MARCHF1: variants seen among roughly 807,000 people sequenced by gnomAD.
The protein encoded by MARCHF1 is E3 ubiquitin-protein ligase MARCHF1.
Under a neutral mutation model 54.2 loss-of-function variants are expected in MARCHF1, and 40 were observed. The ratio of observed to expected loss-of-function variants is 0.74; its 90% CI spans 0.57 to 0.96. The LOEUF (loss-of-function observed/expected upper bound fraction) is 0.96. Among genes scored for constraint, MARCHF1 ranks in the 40% least tolerant of loss-of-function variants. The pLI, the probability that MARCHF1 is intolerant of heterozygous loss-of-function variation, is 0.00. For synonymous variants in MARCHF1, 236 were observed against 236.3 expected, an observed-to-expected ratio of 1.00 and a Z score of 0.01; for missense variants, 586 against 656.5, an observed-to-expected ratio of 0.89 and a Z score of 1.17.
At chr4:163,778,905 G>A (rs1259432816) in intron 4 of MARCHF1, among the ~76,000 whole-genome samples, 1 of 152,094 alleles carries the variant, frequency 6.6e-6, no homozygotes. Context: ...CGGGTACAAT[G>A]AGTAAAAGCC....
intron 2 of MARCHF1, among the ~76,000 whole-genome samples, chr4:164,063,860 G>A (rs1754672567): frequency 6.6e-6 from 1 of 152,070 alleles, no homozygotes; most frequent in Admixed American, 6.6e-5. Context: ...AAGGGGTCCA[G>A]TTCCAATCTT....
At chr4:163,758,492 A>G (rs1014257599) in intron 4 of MARCHF1, among the ~76,000 whole-genome samples, 8 of 138,468 alleles carry the variant, frequency 5.8e-5, no homozygotes. Flanking sequence ...TTAAAATTCA[A>G]AAAAAATTCC....
chr4:163,990,059 A>G (rs2110890550), intron 2 of MARCHF1, among the ~76,000 whole-genome samples: 1 of 152,352 alleles, frequency 6.6e-6, no homozygotes, highest in Admixed American at 6.5e-5. Flanking sequence ...GGATAGAGAT[A>G]AAATGTGAAA....
chr4:164,295,700 G>A (rs1281687363), intron 1 of MARCHF1, among the ~76,000 whole-genome samples: 2 of 152,108 alleles, frequency 1.3e-5, no homozygotes, highest in African/African-American at 4.8e-5. Flanking sequence ...CCTATGAGAT[G>A]GCACTGGAAT....
intron 2 of MARCHF1, among the ~76,000 whole-genome samples, chr4:164,086,538 T>C (rs1331736699): frequency 5.9e-5 from 9 of 151,970 alleles, no homozygotes; most frequent in Non-Finnish European, 1.3e-4. Context: ...CTGTGTATTA[T>C]CTCACTGAAC....
chr4:163,923,182 T>C (rs1223240711), intron 3 of MARCHF1, among the ~76,000 whole-genome samples: 5 of 152,158 alleles, frequency 3.3e-5, no homozygotes, highest in Non-Finnish European at 7.4e-5. Context: ...TTTGAAAGAT[T>C]AATGGAACTC....
rs563474922 is a variant in MARCHF1, at chr4:164,365,310, T to C, written c.-323+18560A>G. Among the ~76,000 whole-genome samples the C allele has an allele frequency of 7.7e-4, 117 of 152,206 alleles. 1 individual carries two copies. The highest frequency in any genetic ancestry group is 2.6e-3 in the African/African-American group (110 of 41,582). The stretch of plus-strand genomic sequence containing the variant: ...TCAGGTTGGTTTTCACAATGCGTCA[T>C]TTCCATTCTACTTCCATTCGACTGT... On this transcript the variant is annotated intron_variant, in intron 1 of 9. Coordinates refer to ENST00000514618, the MANE Select transcript of MARCHF1 (RefSeq NM_001394959.1).
Position 163,862,695 on chromosome 4 carries a change from C to A in MARCHF1, c.-38-8526G>T, listed in dbSNP as rs549044041. On this transcript the variant is annotated intron_variant, in intron 3 of 9. Transcript: ENST00000514618. Reference sequence around the variant, plus strand: ...GTAAACATAATCTTATCATACAATCCAGCAACTGCACTTACAGCTATTTAC... The same window carrying A: ...GTAAACATAATCTTATCATACAATCAAGCAACTGCACTTACAGCTATTTAC... Among the ~76,000 whole-genome samples, 7 of 152,104 alleles carry A rather than the reference C, an allele frequency of 4.6e-5. No homozygotes were observed. The South Asian group carries it at 1.2e-3, about 27-fold the overall frequency.
rs372074247 is a variant in MARCHF1, at chr4:163,585,905, T to C, written c.1035A>G (p.Glu345=). Reference sequence around the variant, plus strand: ...GACAGGGTGTGATGAGGGGGCTCTCTTCATCCCCTTCGCAGTGACAGATTC... The same window carrying C: ...GACAGGGTGTGATGAGGGGGCTCTCCTCATCCCCTTCGCAGTGACAGATTC... ...VCRICHCEGD[E]ESPLITPCRC... is the part of the protein sequence containing the mutation. Residue 345 remains glutamate (E), a synonymous_variant, in exon 8 of 10, where the codon GAA becomes GAG. Transcript: ENST00000514618. 61 of 1,610,060 alleles carry C rather than the reference T, an allele frequency of 3.8e-5. No homozygotes were observed. Among genetic ancestry groups the C allele is most frequent in the Non-Finnish European group, 4.8e-5 (56 of 1,178,518 alleles).
Position 163,714,576 on chromosome 4 carries a change from C to T in MARCHF1, c.112-13713G>A, listed in dbSNP as rs548481008. ...CAGATGTTTCATAAATTAAGTAGGA[C>T]GGTAATTCTACATGTTGGATTCAGA... On this transcript the variant is annotated intron_variant, in intron 4 of 9. Transcript: ENST00000514618. 1.8e-4 allele frequency among the ~76,000 whole-genome samples: 28 copies of T among 152,282 alleles called. 1 individual carries two copies. In the South Asian group the frequency reaches 5.2e-3, roughly 28 times the overall value.
chr4:163,675,170 T>C (rs1443953923), intron 5 of MARCHF1, among the ~76,000 whole-genome samples: 1 of 152,160 alleles, frequency 6.6e-6, no homozygotes, highest in East Asian at 1.9e-4. Context: ...CAAATCTGTA[T>C]AAAAACAAGA....
At chr4:164,196,874 A>C in intron 1 of MARCHF1, 1 of 1,101,574 alleles carries the variant, frequency 9.1e-7, no homozygotes, top group South Asian at 1.4e-5. Flanking sequence ...TGTTACAATC[A>C]GAAAAAAGTA....
At chr4:163,965,343 G>A (rs572023878) in intron 3 of MARCHF1, among the ~76,000 whole-genome samples, 6 of 152,102 alleles carry the variant, frequency 3.9e-5, no homozygotes, top group African/African-American at 1.4e-4. Context: ...AGCACTTTAT[G>A]TAAATCAATT....
chr4:163,953,726 T>A (rs896203918), intron 3 of MARCHF1, among the ~76,000 whole-genome samples: 4 of 152,164 alleles, frequency 2.6e-5, no homozygotes, highest in Admixed American at 2.6e-4. Flanking sequence ...GAATGGTTTT[T>A]ACACTTTTAA....
At chr4:163,633,346 GA>G (rs1206098243) in intron 5 of MARCHF1, among the ~76,000 whole-genome samples, 1 of 151,996 alleles carries the variant, frequency 6.6e-6, no homozygotes, top group Non-Finnish European at 1.5e-5. Flanking sequence ...TGAAAACTTT[GA>G]AAAAAATTTA....
At chr4:163,700,975 T>A in intron 4 of MARCHF1, 112 bp from the exon 5 acceptor site, 2 of 697,984 alleles carry the variant, frequency 2.9e-6, no homozygotes, top group Non-Finnish European at 4.9e-6. Flanking sequence ...GCTCTCTATA[T>A]TGTTTTGACT....
intron 4 of MARCHF1, among the ~76,000 whole-genome samples, chr4:163,834,756 A>G (rs540979972): frequency 5.9e-5 from 9 of 152,198 alleles, no homozygotes; most frequent in South Asian, 2.1e-4. Context: ...ATGAGAACAC[A>G]TATTGGATCT....
intron 1 of MARCHF1, among the ~76,000 whole-genome samples, chr4:164,298,036 C>A: frequency 6.6e-6 from 1 of 151,888 alleles, no homozygotes; most frequent in Admixed American, 6.6e-5. Context: ...TGTCTCAACA[C>A]AATACCAAAT....
intron 1 of MARCHF1, among the ~76,000 whole-genome samples, chr4:164,198,636 G>A (rs555123692): frequency 1.3e-5 from 2 of 152,260 alleles, no homozygotes; most frequent in South Asian, 2.1e-4. Context: ...TTAATATAGT[G>A]TTCTATTGAG....
Sources: allele counts gnomAD v4.1 joint callset (sites outside exome capture counted in the v4.1 genomes callset), GRCh38; gene constraint gnomAD v4.1.1; transcripts MANE v1.5; gene names NCBI Gene and HGNC (gene_info 2026-07-23, HGNC 2026-07-21).